Variants in WWOX observed in about 807,000 individuals in gnomAD.
The protein encoded by WWOX is WW domain-containing oxidoreductase.
WWOX carries 69 observed loss-of-function variants against 46.2 expected under a neutral mutation model. The ratio of observed to expected loss-of-function variants is 1.49; its 90% CI spans 1.23 to 1.82. The LOEUF (loss-of-function observed/expected upper bound fraction) is 1.82, where lower values mean the gene tolerates loss of function less well. Among genes scored for constraint, WWOX ranks in the 40% most tolerant of loss-of-function variants. The pLI, the probability that WWOX is intolerant of heterozygous loss-of-function variation, is 0.00. For missense variants in WWOX, 919 were observed against 542.6 expected (o/e 1.69, Z -6.89); for synonymous variants, 359 against 202.6 (o/e 1.77, Z -6.56).
intron 5 of WWOX, among the ~76,000 whole-genome samples, chr16:78,356,714 C>G (rs575900681): frequency 2.0e-5 from 3 of 152,238 alleles, no homozygotes; most frequent in South Asian, 2.1e-4. Flanking sequence ...AACCCCGTCT[C>G]TACTAAAAAT....
At chr16:78,773,268 T>C (rs1304934203) in intron 8 of WWOX, among the ~76,000 whole-genome samples, 1 of 152,146 alleles carries the variant, frequency 6.6e-6, no homozygotes, top group Non-Finnish European at 1.5e-5. Flanking sequence ...CCACACCCCA[T>C]GTTCCTTCTA....
intron 8 of WWOX, among the ~76,000 whole-genome samples, chr16:78,557,633 C>G (rs1053453321): frequency 2.1e-5 from 3 of 146,110 alleles, no homozygotes; most frequent in Non-Finnish European, 4.5e-5. Flanking sequence ...TGAAAACTGT[C>G]TTATTTTTCA....
intron 8 of WWOX, among the ~76,000 whole-genome samples, chr16:78,807,201 C>G (rs1055997881): frequency 2.6e-5 from 4 of 152,190 alleles, no homozygotes; most frequent in Admixed American, 6.5e-5. Flanking sequence ...TGAGTACATC[C>G]TTGCTGTTTT....
intron 5 of WWOX, among the ~76,000 whole-genome samples, chr16:78,374,500 T>G (rs560064836): frequency 2.6e-5 from 4 of 151,588 alleles, no homozygotes; most frequent in African/African-American, 9.7e-5. Flanking sequence ...TTATGGTGTT[T>G]TGAGTCCTCA....
chr16:78,916,517 G>C (rs2045255462), intron 8 of WWOX, among the ~76,000 whole-genome samples: 1 of 152,192 alleles, frequency 6.6e-6, no homozygotes, highest in Non-Finnish European at 1.5e-5. Context: ...ATTACCAGTA[G>C]AGTGACCTTA....
At chr16:78,262,490 T>C (rs2079267045) in intron 5 of WWOX, among the ~76,000 whole-genome samples, 1 of 152,182 alleles carries the variant, frequency 6.6e-6, no homozygotes. Context: ...GTCCTTATGC[T>C]GAGGTTTCAG....
intron 4 of WWOX, among the ~76,000 whole-genome samples, chr16:78,134,312 A>G (rs780418372): frequency 6.6e-6 from 1 of 151,538 alleles, no homozygotes; most frequent in Non-Finnish European, 1.5e-5. Context: ...TGGGCATTGC[A>G]GTCAACAATA....
chr16:78,191,477 A>G (rs776723455), intron 5 of WWOX, among the ~76,000 whole-genome samples: 2 of 152,186 alleles, frequency 1.3e-5, no homozygotes, highest in Non-Finnish European at 2.9e-5. Flanking sequence ...CAATATATCA[A>G]TGTATGGTCC....
intron 8 of WWOX, among the ~76,000 whole-genome samples, chr16:78,594,594 C>T (rs2045438656): frequency 6.6e-6 from 1 of 152,022 alleles, no homozygotes; most frequent in Non-Finnish European, 1.5e-5. Context: ...ATGGCATTTT[C>T]ACCTCCTTTC....
intron 4 of WWOX, among the ~76,000 whole-genome samples, chr16:78,142,398 A>G (rs1253463541): frequency 1.3e-5 from 2 of 152,352 alleles, no homozygotes; most frequent in East Asian, 3.9e-4. Flanking sequence ...AGTTAATGCA[A>G]TGAAAACATT....
chr16:78,513,920 T>C (rs2085425847), intron 8 of WWOX, among the ~76,000 whole-genome samples: 1 of 148,088 alleles, frequency 6.8e-6, no homozygotes, highest in Admixed American at 6.6e-5. Flanking sequence ...TGTATCACTT[T>C]GTATGACAGT....
intron 8 of WWOX, among the ~76,000 whole-genome samples, chr16:78,915,969 G>A (rs1427687636): frequency 6.6e-6 from 1 of 152,184 alleles, no homozygotes; most frequent in African/African-American, 2.4e-5. Context: ...AAGGCCAATA[G>A]ATGATAGTGG....
At chr16:79,206,482 G>A (rs1033755700) in intron 8 of WWOX, 6 of 152,162 alleles carry the variant, frequency 3.9e-5, no homozygotes, top group African/African-American at 1.2e-4. Context: ...ACTGTCCCTG[G>A]CTCATAGAGC....
At chr16:78,747,988 C>G (rs1380885576) in intron 8 of WWOX, among the ~76,000 whole-genome samples, 2 of 152,200 alleles carry the variant, frequency 1.3e-5, no homozygotes, top group African/African-American at 2.4e-5. Flanking sequence ...GCGTAGCAGC[C>G]TAAGAAACTC....
chr16:78,695,541 G>T (rs1031108483), intron 8 of WWOX, among the ~76,000 whole-genome samples: 1 of 152,190 alleles, frequency 6.6e-6, no homozygotes, highest in African/African-American at 2.4e-5. Flanking sequence ...GATCCCACCT[G>T]TGAGGCTATG....
chr16:78,788,614 G>A (rs1031061256), intron 8 of WWOX, among the ~76,000 whole-genome samples: 2 of 152,150 alleles, frequency 1.3e-5, no homozygotes, highest in Admixed American at 6.5e-5. Flanking sequence ...CCCATACCTC[G>A]CCCTATGTGT....
intron 8 of WWOX, among the ~76,000 whole-genome samples, chr16:78,723,929 A>G (rs1007916722): frequency 6.6e-6 from 1 of 152,174 alleles, no homozygotes; most frequent in African/African-American, 2.4e-5. Context: ...TTGAGGACCT[A>G]GACTTCACCT....
intron 8 of WWOX, among the ~76,000 whole-genome samples, chr16:78,665,576 C>A (rs1015906083): frequency 6.6e-6 from 1 of 152,072 alleles, no homozygotes; most frequent in African/African-American, 2.4e-5. Flanking sequence ...CCCTCTACCA[C>A]GCTGACTGGC....
intron 6 of WWOX, among the ~76,000 whole-genome samples, chr16:78,394,960 T>C (rs2082252790): frequency 6.6e-6 from 1 of 152,210 alleles, no homozygotes; most frequent in African/African-American, 2.4e-5. Context: ...TCCAAGTGTG[T>C]GTAATGTGTA....
Sources: allele counts gnomAD v4.1 joint callset (sites outside exome capture counted in the v4.1 genomes callset), GRCh38; gene constraint gnomAD v4.1.1; transcripts MANE v1.5; gene names NCBI Gene and HGNC (gene_info 2026-07-23, HGNC 2026-07-21).